The following MARCHF1 variants were observed in gnomAD, a reference collection of about 807,000 sequenced individuals.
MARCHF1 encodes membrane associated ring-CH-type finger 1.
Under a neutral mutation model 54.2 loss-of-function variants are expected in MARCHF1, and 40 were observed. That is an observed-to-expected ratio of 0.74 (90% CI 0.57 to 0.96). The LOEUF (loss-of-function observed/expected upper bound fraction) is 0.96. Among genes scored for constraint, MARCHF1 ranks in the 40% least tolerant of loss-of-function variants. The pLI is 0.00. For missense variants in MARCHF1, 586 were observed against 656.5 expected (o/e 0.89, Z 1.17); for synonymous variants, 236 against 236.3 (o/e 1.00, Z 0.01).
chr4:163,854,225 A>C (rs1298588004), intron 3 of MARCHF1, 56 bp from the exon 4 acceptor site: 2 of 1,265,336 alleles, frequency 1.6e-6, no homozygotes, highest in Non-Finnish European at 2.1e-6. Flanking sequence ...GTGTTTTGGA[A>C]AATACATATA....
chr4:163,935,727 T>A (rs1244671253), intron 3 of MARCHF1, among the ~76,000 whole-genome samples: 1 of 139,962 alleles, frequency 7.1e-6, no homozygotes, highest in African/African-American at 2.7e-5. Context: ...TTTTTTTTAT[T>A]ATACTTTAAG....
chr4:164,183,826 T>C (rs1200091999), intron 1 of MARCHF1, among the ~76,000 whole-genome samples: 2 of 152,048 alleles, frequency 1.3e-5, no homozygotes, highest in Non-Finnish European at 2.9e-5. Context: ...TGGGAGCATA[T>C]AACAGGGACA....
intron 1 of MARCHF1, among the ~76,000 whole-genome samples, chr4:164,279,220 A>G (rs1733961446): frequency 6.6e-6 from 1 of 151,738 alleles, no homozygotes; most frequent in Non-Finnish European, 1.5e-5. Context: ...AACAGAACAG[A>G]ACTAATCATT....
rs1738095810 is a variant in MARCHF1, at chr4:163,526,119, T to TTAAC, written c.*2628_*2629insGTTA. On this transcript the variant is annotated 3_prime_UTR_variant, in exon 10 of 10. Transcript: ENST00000514618. The stretch of plus-strand genomic sequence containing the variant: ...CAATGTCCAAGCCCATAAAAGTTAA[T>TTAAC]TGCAAGAATTTAGGTATAGTTTTAA... The TTAAC allele has an allele frequency of 6.6e-6, 1 of 151,822 alleles. No homozygotes were observed. 9.4% of individuals were successfully genotyped at this position (151,822 alleles called of 1,614,324 possible). A position where few individuals can be genotyped will look rare whatever the true frequency, so the allele number is the denominator to read the frequency against.
chr4:163,991,537 A>C (rs1752967289), intron 2 of MARCHF1, among the ~76,000 whole-genome samples: 1 of 152,174 alleles, frequency 6.6e-6, no homozygotes, highest in Non-Finnish European at 1.5e-5. Flanking sequence ...CATTTCTCCT[A>C]TGGGAGCATA....
At chr4:164,101,142 C>G (rs139146048) in intron 2 of MARCHF1, among the ~76,000 whole-genome samples, 51 of 152,278 alleles carry the variant, frequency 3.3e-4, no homozygotes, top group African/African-American at 1.2e-3. Context: ...ATTGCTAGCA[C>G]GGCAGTCTGA....
chr4:163,557,068 A>G (rs933442688), intron 8 of MARCHF1, among the ~76,000 whole-genome samples: 4 of 152,172 alleles, frequency 2.6e-5, no homozygotes, highest in Non-Finnish European at 1.5e-5. Flanking sequence ...CCTTGAATTG[A>G]TTTAATAGCG....
intron 4 of MARCHF1, among the ~76,000 whole-genome samples, chr4:163,793,195 G>C (rs1360520416): frequency 6.6e-6 from 1 of 152,158 alleles, no homozygotes; most frequent in African/African-American, 2.4e-5. Context: ...TCTCACTCTA[G>C]AGATGCAAGT....
chr4:164,009,101 A>G (rs1295760843), intron 2 of MARCHF1, among the ~76,000 whole-genome samples: 1 of 152,038 alleles, frequency 6.6e-6, no homozygotes, highest in East Asian at 1.9e-4. Context: ...CCAAATAAAT[A>G]ATATCAAAAA....
chr4:163,570,358 T>A (rs771674703), intron 8 of MARCHF1, among the ~76,000 whole-genome samples: 2 of 152,104 alleles, frequency 1.3e-5, no homozygotes, highest in Non-Finnish European at 2.9e-5. Flanking sequence ...TCTAGGACTC[T>A]ACAAAATACT....
rs146119600 is a variant in MARCHF1 at position 163,891,129 on chromosome 4, G to A, written c.-38-36960C>T. Among the ~76,000 whole-genome samples, 638 of 152,044 alleles carry A rather than the reference G, an allele frequency of 4.2e-3. 6 individuals are homozygous for A. Among genetic ancestry groups the A allele is most frequent in the African/African-American group, 0.014 (586 of 41,442 alleles). On this transcript the variant is annotated intron_variant, in intron 3 of 9. Coordinates refer to ENST00000514618, the MANE Select transcript of MARCHF1 (RefSeq NM_001394959.1). ...AAAGGTCCCCAAATCTTGTCAGGTC[G>A]CAATTTTGAGATCTCTATTGTATAT...
At chr4:163,551,300 G>A (rs1242430576) in intron 8 of MARCHF1, among the ~76,000 whole-genome samples, 1 of 152,138 alleles carries the variant, frequency 6.6e-6, no homozygotes, top group East Asian at 1.9e-4. Context: ...AATTATACTA[G>A]TAACAATTTC....
intron 1 of MARCHF1, among the ~76,000 whole-genome samples, chr4:164,302,867 T>C (rs534193099): frequency 4.4e-4 from 43 of 98,548 alleles, no homozygotes; most frequent in Admixed American, 2.2e-3. Context: ...AGAGACTGTC[T>C]TAAAAAAAAA....
chr4:163,969,908 G>C (rs1752515777), intron 3 of MARCHF1, among the ~76,000 whole-genome samples: 1 of 152,082 alleles, frequency 6.6e-6, no homozygotes, highest in East Asian at 1.9e-4. Flanking sequence ...AAGTGTGGAA[G>C]AAAATCATTG....
At chr4:163,907,581 T>C (rs35756896) in intron 3 of MARCHF1, among the ~76,000 whole-genome samples, 26,261 of 152,058 alleles carry the variant, frequency 0.17, 2,852 homozygotes, top group South Asian at 0.32. Context: ...ACTTCAAAAC[T>C]TTCTACAATA....
intron 2 of MARCHF1, among the ~76,000 whole-genome samples, chr4:164,080,997 A>G (rs1232928795): frequency 6.6e-6 from 1 of 150,662 alleles, no homozygotes; most frequent in Non-Finnish European, 1.5e-5. Flanking sequence ...TCATGAGGTC[A>G]GGAGATCGAG....
intron 4 of MARCHF1, among the ~76,000 whole-genome samples, chr4:163,793,557 C>T (rs889342957): frequency 1.3e-5 from 2 of 151,934 alleles, no homozygotes; most frequent in African/African-American, 4.8e-5. Flanking sequence ...AGGAGACCAC[C>T]CCTCATATTG....
chr4:163,972,376 C>T (rs1752563860), intron 3 of MARCHF1, among the ~76,000 whole-genome samples: 1 of 151,944 alleles, frequency 6.6e-6, no homozygotes, highest in African/African-American at 2.4e-5. Context: ...TTGATCAAAA[C>T]AGTGAAATAT....
intron 3 of MARCHF1, among the ~76,000 whole-genome samples, chr4:163,903,803 A>G (rs1024619105): frequency 6.6e-6 from 1 of 151,966 alleles, no homozygotes; most frequent in Non-Finnish European, 1.5e-5. Context: ...TTGTAGAGAT[A>G]TAGTTGCCAA....
Sources: allele counts gnomAD v4.1 joint callset (sites outside exome capture counted in the v4.1 genomes callset), GRCh38; gene constraint gnomAD v4.1.1; transcripts MANE v1.5; gene names NCBI Gene and HGNC (gene_info 2026-07-23, HGNC 2026-07-21).